DYRK1B: variants seen among roughly 807,000 people sequenced by gnomAD.
DYRK1B encodes the protein dual specificity tyrosine phosphorylation regulated kinase 1B, also known as dual specificity tyrosine-phosphorylation-regulated kinase 1B.
Under a neutral mutation model 57.1 loss-of-function variants are expected in DYRK1B, and 20 were observed. That is an observed-to-expected ratio of 0.35 (90% CI 0.25 to 0.51). DYRK1B has a LOEUF of 0.51. Among genes scored for constraint, DYRK1B ranks in the 20% least tolerant of loss-of-function variants. The pLI is 0.96. For missense variants in DYRK1B, 732 were observed against 886.3 expected (o/e 0.83, Z 2.21); for synonymous variants, 409 against 384.7 (o/e 1.06, Z -0.74).
At chr19:39,832,868 G>A (rs1382499076) in intron 1 of DYRK1B, 2 of 970,686 alleles carry the variant, frequency 2.1e-6, no homozygotes, top group Admixed American at 6.2e-5. Context: ...GGAGAAGGAG[G>A]AGGTGTCTCT....
Position 39,827,339 on chromosome 19 carries a change from A to G in DYRK1B, c.1041T>C (p.Phe347=). ...TCCAGCCACCCCCAGGCAGCCGTTC[A>G]AAGTACTTGCGAGCCTTGGGCGCCT... is the stretch of plus-strand genomic sequence containing the variant. ...LDQAPKARKY[F]ERLPGGGWTL... Residue 347 remains phenylalanine, a synonymous_variant, in exon 8 of 11, where the codon TTT becomes TTC. Transcript: ENST00000323039. 1.2e-6 allele frequency: 2 copies of G among 1,613,852 alleles called. No individual in the cohort carries two copies. The highest frequency in any genetic ancestry group is 1.7e-6 in the Non-Finnish European group (2 of 1,179,828).
Position 39,826,595 on chromosome 19 carries a change from T to A in DYRK1B, c.1411+77A>T, listed in dbSNP as rs1968550182. 1.4e-6 allele frequency: 2 copies of A among 1,422,480 alleles called. No homozygotes were observed. The highest frequency in any genetic ancestry group is 2.8e-5 in the Admixed American group (1 of 35,642). 88.1% of individuals were successfully genotyped at this position (1,422,480 alleles called of 1,614,324 possible). ...TTCGGCGCTTTGTGTGAAGACCCAGTAACCAGGTCCCCCAGGACAGGCCAA... is the reference window on the plus strand; with the variant it reads ...TTCGGCGCTTTGTGTGAAGACCCAGAAACCAGGTCCCCCAGGACAGGCCAA... On this transcript the variant is annotated intron_variant, in intron 9 of 10. Transcript: ENST00000323039. This position sits in a 1 kb window ranked among gnomAD's most constrained non-coding sequence, Gnocchi z 6.3.
intron 1 of DYRK1B, among the ~76,000 whole-genome samples, chr19:39,833,810 C>T (rs1223798627): frequency 2.6e-5 from 4 of 152,202 alleles, no homozygotes; most frequent in African/African-American, 9.6e-5. Context: ...CGGCTACCCC[C>T]TCCCAGCCTC....
chr19:39,826,396 AAGAGC>A lies in DYRK1B; in HGVS notation c.1412-115_1412-111del. 2.1e-6 allele frequency: 2 copies of A among 961,704 alleles called. No individual in the cohort carries two copies. The highest frequency in any genetic ancestry group is 3.0e-6 in the Non-Finnish European group (2 of 665,678). The allele number at this position is 961,704 out of a possible 1,614,324, so 59.6% of individuals were successfully genotyped here. On this transcript the variant is annotated intron_variant, in intron 9 of 10. Transcript: ENST00000323039. The surrounding 1 kb of genome is among the most constrained non-coding windows in gnomAD (Gnocchi z 6.3). Reference sequence around the variant, plus strand: ...CGGCCCAGGCTCAGGTTCAGGCTTCAAGAGCAGAGCCCATCTGAAGCACCGGGCCC... The same window carrying A: ...CGGCCCAGGCTCAGGTTCAGGCTTCAAGAGCCCATCTGAAGCACCGGGCCC...
At chr19:39,829,619 C>A (rs181390392) in intron 5 of DYRK1B, 96 of 391,022 alleles carry the variant, frequency 2.5e-4, no homozygotes, top group African/African-American at 1.6e-3. Flanking sequence ...CCCTTATGGG[C>A]TGTGGTGAGT....
chr19:39,829,180 G>T (rs529479447), intron 5 of DYRK1B, among the ~76,000 whole-genome samples: 238 of 149,592 alleles, frequency 1.6e-3, no homozygotes, highest in Middle Eastern at 3.5e-3. Flanking sequence ...TTTTTTTGTT[G>T]TTGTTGTAAC....
Position 39,826,709 on chromosome 19 carries a change from G to GC in DYRK1B, c.1373dup (p.Cys458TrpfsTer22). 6.2e-7 allele frequency: 1 copy of GC among 1,606,336 alleles called. No individual in the cohort carries two copies. The highest frequency in any genetic ancestry group is 8.5e-7 in the Non-Finnish European group (1 of 1,177,404). On this transcript the variant is annotated frameshift_variant, in exon 9 of 11. Transcript: ENST00000323039. LOFTEE classifies it high-confidence loss of function. This position sits in a 1 kb window ranked among gnomAD's most constrained non-coding sequence, Gnocchi z 6.3. ...TGGAGCTGGCGGTGCTGGAAGAGGG[G>GC]CAGGTGTCGAGGGGCGCGGGCGAGG...
chr19:39,826,641 T>A lies in DYRK1B; in HGVS notation c.1411+31A>T. On this transcript the variant is annotated intron_variant, in intron 9 of 10. Coordinates refer to ENST00000323039, the MANE Select transcript of DYRK1B (RefSeq NM_004714.3). This position sits in a 1 kb window ranked among gnomAD's most constrained non-coding sequence, Gnocchi z 6.3. Reference sequence around the variant, plus strand: ...GCCAAACCTGAGCAGCCCCCACCCGTTGTACCCCATTTGGGCACCTGGGCA... The same window carrying A: ...GCCAAACCTGAGCAGCCCCCACCCGATGTACCCCATTTGGGCACCTGGGCA... 1 of 1,558,154 alleles carries A rather than the reference T, an allele frequency of 6.4e-7. No homozygotes were observed. The highest frequency in any genetic ancestry group is 8.7e-7 in the Non-Finnish European group (1 of 1,154,610).
In DYRK1B at chr19:39,825,800, G is replaced by A. The variant is rs898849142; in HGVS notation, c.1805C>T (p.Pro602Leu). ...LRTRMTGGRP[P>L]LPPPDDPATL... ...GGCAGGGTCATCAGGAGGCGGGAGG[G>A]GTGGACGACCTCCAGTCATCCGAGT... The change falls in exon 11 of 11, where the codon CCC becomes CTC. Residue 602 changes from proline to leucine, a missense_variant. This residue lies in a region of DYRK1B where 222 missense variants were observed against 205.0 expected (regional missense o/e 1.08). Coordinates refer to ENST00000323039, the MANE Select transcript of DYRK1B (RefSeq NM_004714.3). 7 of 1,587,080 alleles carry A rather than the reference G, an allele frequency of 4.4e-6. No individual in the cohort carries two copies. Among genetic ancestry groups the A allele is most frequent in the Non-Finnish European group, 6.0e-6 (7 of 1,167,942 alleles).
intron 5 of DYRK1B, 141 bp downstream of exon 5, chr19:39,829,738 TG>T: frequency 1.1e-6 from 1 of 893,808 alleles, no homozygotes; most frequent in Non-Finnish European, 1.6e-6. Flanking sequence ...GGAGAATCAC[TG>T]ATGTCAGAGA....
intron 6 of DYRK1B, 90 bp from the exon 7 acceptor site, chr19:39,827,746 C>T: frequency 6.7e-7 from 1 of 1,486,792 alleles, no homozygotes; most frequent in East Asian, 2.3e-5. Context: ...TGAGGACAGG[C>T]TTCTTGCTGA....
At chr19:39,829,789 C>T (rs1478277839) in intron 5 of DYRK1B, 91 bp downstream of exon 5, 1 of 1,459,398 alleles carries the variant, frequency 6.9e-7, no homozygotes, top group Admixed American at 2.2e-5. Flanking sequence ...TCAGCCTCCT[C>T]CTGAGAGTAG....
rs750739429 is a variant in DYRK1B at position 39,826,161 on chromosome 19, G to A, written c.1518+19C>T. 6 of 1,587,464 alleles carry A rather than the reference G, an allele frequency of 3.8e-6. No homozygotes were observed. In the East Asian group the frequency reaches 1.1e-4, roughly 30 times the overall value. On this transcript the variant is annotated intron_variant, in intron 10 of 10. Coordinates refer to ENST00000323039, the MANE Select transcript of DYRK1B (RefSeq NM_004714.3). The surrounding 1 kb of genome is among the most constrained non-coding windows in gnomAD (Gnocchi z 6.3). ...CCAGGCACCACCACCCACCTCCAAA[G>A]CCCCCAAAGCCCCATTACCTGGGGG...
chr19:39,831,982 G>T lies in DYRK1B; in HGVS notation c.-101-14C>A. 7.0e-7 allele frequency: 1 copy of T among 1,419,594 alleles called. No individual in the cohort carries two copies. The highest frequency in any genetic ancestry group is 9.2e-7 in the Non-Finnish European group (1 of 1,089,402). The allele number at this position is 1,419,594 out of a possible 1,614,324, so 87.9% of individuals were successfully genotyped here. A position where few individuals can be genotyped will look rare whatever the true frequency, so the allele number is the denominator to read the frequency against. On this transcript the variant is annotated splice_polypyrimidine_tract_variant and intron_variant, in intron 1 of 10. Coordinates refer to ENST00000323039, the MANE Select transcript of DYRK1B (RefSeq NM_004714.3). ...CGCCGCTGAGACCTGAGAGCAGACAGGAAGTGGGAAAACAACATGGAACAA... is the reference window on the plus strand; with the variant it reads ...CGCCGCTGAGACCTGAGAGCAGACATGAAGTGGGAAAACAACATGGAACAA...
At chr19:39,833,004 C>A in intron 1 of DYRK1B, 3 of 985,318 alleles carry the variant, frequency 3.0e-6, no homozygotes, top group Non-Finnish European at 3.6e-6. Flanking sequence ...ATACCAGGGT[C>A]ATTCCACAAC....
At position 39,825,678 on chromosome 19, in the gene DYRK1B, G is replaced by T. The variant is rs765888241; in HGVS notation, c.*37C>A. Reference sequence around the variant, plus strand: ...GCCCAGGGCCCCCAGATGGGGGAGGGTATGGCTTCAGGAGGGGCCCCAGGG... The same window carrying T: ...GCCCAGGGCCCCCAGATGGGGGAGGTTATGGCTTCAGGAGGGGCCCCAGGG... On this transcript the variant is annotated 3_prime_UTR_variant, in exon 11 of 11. Transcript: ENST00000323039. 1.1e-5 allele frequency: 17 copies of T among 1,535,252 alleles called. No homozygotes were observed. Among genetic ancestry groups the T allele is most frequent in the Non-Finnish European group, 1.5e-5 (17 of 1,141,720 alleles).
chr19:39,831,779 A>C, intron 2 of DYRK1B, 26 bp downstream of exon 2: 1 of 1,549,088 alleles, frequency 6.5e-7, no homozygotes, highest in South Asian at 1.2e-5. Flanking sequence ...ACCACCACGC[A>C]GGTGAGGAGC....
Position 39,826,226 on chromosome 19 carries a change from C to T in DYRK1B, c.1472G>A (p.Gly491Glu). The part of the protein sequence containing the change: ...RTYRYSNRYC[G>E]GPGPPITDCE... Reference sequence around the variant, plus strand: ...GTCTGTGATAGGGGGCCCAGGGCCCCCACAATATCGGTTGCTGTAGCGGTA... The same window carrying T: ...GTCTGTGATAGGGGGCCCAGGGCCCTCACAATATCGGTTGCTGTAGCGGTA... Residue 491 changes from glycine to glutamate, a missense_variant, in exon 10 of 11, where the codon GGG becomes GAG. Around this residue, in one of 2 missense-constraint regions of DYRK1B, gnomAD observed 222 missense variants for 205.0 expected, o/e 1.08. Transcript: ENST00000323039. The surrounding 1 kb of genome is among the most constrained non-coding windows in gnomAD (Gnocchi z 6.3). 6.3e-7 allele frequency: 1 copy of T among 1,596,632 alleles called. No homozygotes were observed. The highest frequency in any genetic ancestry group is 1.4e-5 in the African/African-American group (1 of 73,732).
Position 39,831,677 on chromosome 19 carries a change from AT to A in DYRK1B, c.63+127del, listed in dbSNP as rs1246021684. On this transcript the variant is annotated intron_variant, in intron 2 of 10. Coordinates refer to ENST00000323039, the MANE Select transcript of DYRK1B (RefSeq NM_004714.3). Reference sequence around the variant, plus strand: ...CTGAAAACTCCTCTGTTATTTTCCAATCCCATGGGACCCATTATGTGCCCAG... The same window carrying A: ...CTGAAAACTCCTCTGTTATTTTCCAACCCATGGGACCCATTATGTGCCCAG... 3.3e-6 allele frequency: 4 copies of A among 1,218,532 alleles called. No individual in the cohort carries two copies. In the East Asian group the frequency reaches 1.1e-4, roughly 33 times the overall value. The allele number at this position is 1,218,532 out of a possible 1,614,324, so 75.5% of individuals were successfully genotyped here.
Sources: gnomAD v4.1 joint callset for allele counts (sites outside exome capture counted in the v4.1 genomes callset) on GRCh38, gnomAD v4.1.1 for gene constraint, gnomAD v4.1.1 regional missense constraint, Gnocchi (gnomAD v3.1) non-coding constraint, MANE v1.5 for transcripts, NCBI Gene and HGNC (gene_info 2026-07-23, HGNC 2026-07-21) for gene names.